EXOC5: variants seen among roughly 807,000 people sequenced by gnomAD.
EXOC5 encodes the protein SEC10-like 1.
A neutral mutation model predicts 90.8 loss-of-function variants in EXOC5; 17 were observed. That is an observed-to-expected ratio of 0.19 (90% CI 0.13 to 0.28). The LOEUF (loss-of-function observed/expected upper bound fraction) is 0.28, where lower values mean the gene tolerates loss of function less well. Among genes scored for constraint, EXOC5 ranks in the 10% least tolerant of loss-of-function variants. The pLI is 1.00. For missense variants in EXOC5, 569 were observed against 830.6 expected, an observed-to-expected ratio of 0.69 and a Z score of 3.87; for synonymous variants, 260 against 270.0, an observed-to-expected ratio of 0.96 and a Z score of 0.36.
At chr14:57,252,154 T>A (rs1884215146) in intron 1 of EXOC5, among the ~76,000 whole-genome samples, 4 of 152,160 alleles carry the variant, frequency 2.6e-5, no homozygotes, top group African/African-American at 7.2e-5. Flanking sequence ...CCAAGCCTTC[T>A]CAAACTTTTC....
intron 3 of EXOC5, among the ~76,000 whole-genome samples, chr14:57,244,937 A>C (rs1304995063): frequency 2.6e-5 from 4 of 151,482 alleles, no homozygotes; most frequent in African/African-American, 9.7e-5. Flanking sequence ...CAGAGGTTGC[A>C]GTGAGCTGAG....
intron 1 of EXOC5, among the ~76,000 whole-genome samples, chr14:57,262,134 T>C (rs1195135300): frequency 1.3e-5 from 2 of 152,168 alleles, no homozygotes; most frequent in African/African-American, 4.8e-5. Context: ...ATCTCTAATC[T>C]AGTTCTCATC....
chr14:57,239,492 T>C (rs753628242), intron 5 of EXOC5, 103 bp downstream of exon 5: 2 of 697,306 alleles, frequency 2.9e-6, no homozygotes, highest in Non-Finnish European at 4.9e-6. Context: ...CTCAATAAAT[T>C]TCCGTTTAAT....
chr14:57,231,498 A>G lies in EXOC5; in HGVS notation c.1148+8T>C. 1.3e-6 allele frequency: 2 copies of G among 1,588,428 alleles called. No homozygotes were observed. The highest frequency in any genetic ancestry group is 8.6e-7 in the Non-Finnish European group (1 of 1,168,746). On this transcript the variant is annotated splice_region_variant and intron_variant, in intron 11 of 17. Coordinates refer to ENST00000621441, the MANE Select transcript of EXOC5 (RefSeq NM_006544.4). ...GTTTTAACAGAAGTATTTAACAAAA[A>G]TACTCACCCTCCTGTGCCAATGGAT...
chr14:57,254,176 T>G (rs1368238733), intron 1 of EXOC5, among the ~76,000 whole-genome samples: 1 of 152,274 alleles, frequency 6.6e-6, no homozygotes, highest in African/African-American at 2.4e-5. Flanking sequence ...GGCTCACACC[T>G]GTAATCCCAG....
At chr14:57,267,275 T>A (rs895722547) in intron 1 of EXOC5, among the ~76,000 whole-genome samples, 1 of 152,182 alleles carries the variant, frequency 6.6e-6, no homozygotes, top group African/African-American at 2.4e-5. Context: ...ATCTCTGAAG[T>A]CTTTCTTGTA....
chr14:57,260,098 G>T (rs538878798), intron 1 of EXOC5, among the ~76,000 whole-genome samples: 1 of 152,188 alleles, frequency 6.6e-6, no homozygotes, highest in East Asian at 1.9e-4. Context: ...AGAACTAAAA[G>T]AATTTTATAA....
intron 1 of EXOC5, among the ~76,000 whole-genome samples, chr14:57,263,184 C>T (rs1239717719): frequency 6.6e-6 from 1 of 152,134 alleles, no homozygotes; most frequent in African/African-American, 2.4e-5. Flanking sequence ...TAAAACTTCC[C>T]CCAGGCTGGA....
chr14:57,256,448 G>A (rs564880136), intron 1 of EXOC5, among the ~76,000 whole-genome samples: 36 of 152,126 alleles, frequency 2.4e-4, no homozygotes, highest in Admixed American at 3.9e-4. Flanking sequence ...TTGCAACTCC[G>A]AGACCAGCTA....
rs1882525216 is a variant in EXOC5 at position 57,202,079 on chromosome 14, CAAT to C, written c.*6527_*6529del. The C allele has an allele frequency of 6.6e-6, 1 of 151,996 alleles. No homozygotes were observed. Among genetic ancestry groups the C allele is most frequent in the South Asian group, 2.1e-4 (1 of 4,824 alleles). 9.4% of individuals were successfully genotyped at this position (151,996 alleles called of 1,614,324 possible). A position where few individuals can be genotyped will look rare whatever the true frequency, so the allele number is the denominator to read the frequency against. The stretch of plus-strand genomic sequence containing the variant: ...TTGTGTACTATGTGATAGGATGCAA[CAAT>C]AACACAGAGTTGCATCCGTGGTATG... On this transcript the variant is annotated 3_prime_UTR_variant, in exon 18 of 18. Transcript: ENST00000621441.
At chr14:57,256,834 C>G (rs1884361121) in intron 1 of EXOC5, among the ~76,000 whole-genome samples, 1 of 152,222 alleles carries the variant, frequency 6.6e-6, no homozygotes, top group Non-Finnish European at 1.5e-5. Flanking sequence ...ACAACTCTGA[C>G]AGGTCATTTT....
At chr14:57,244,408 A>G in intron 3 of EXOC5, 49 bp from the exon 4 acceptor site, 1 of 1,335,686 alleles carries the variant, frequency 7.5e-7, no homozygotes, top group African/African-American at 1.4e-5. Context: ...TGCTCAGTTT[A>G]TAATCTAAAC....
At chr14:57,268,373 C>A in intron 1 of EXOC5, 1 of 1,050,958 alleles carries the variant, frequency 9.5e-7, no homozygotes, top group Non-Finnish European at 1.3e-6. Flanking sequence ...AAGCAACCCT[C>A]CTCCCTTGGG....
rs913912485 is a variant in EXOC5, at chr14:57,201,261, A to T, written c.*7348T>A. 2 of 152,050 alleles carry T rather than the reference A, an allele frequency of 1.3e-5. No individual in the cohort carries two copies. The highest frequency in any genetic ancestry group is 1.5e-5 in the Non-Finnish European group (1 of 67,988). The allele number at this position is 152,050 out of a possible 1,614,324, so 9.4% of individuals were successfully genotyped here. A position where few individuals can be genotyped will look rare whatever the true frequency, so the allele number is the denominator to read the frequency against. On this transcript the variant is annotated 3_prime_UTR_variant, in exon 18 of 18. Coordinates refer to ENST00000621441, the MANE Select transcript of EXOC5 (RefSeq NM_006544.4). ...TGTTGTGCCCAGAATAAATTGCTGT[A>T]AAAATGATGGGAACATGCCAAAACG...
At chr14:57,267,807 C>T (rs1426261172) in intron 1 of EXOC5, among the ~76,000 whole-genome samples, 1 of 152,154 alleles carries the variant, frequency 6.6e-6, no homozygotes, top group Admixed American at 6.5e-5. Context: ...AGTATTCTCA[C>T]TATTACATAT....
intron 3 of EXOC5, among the ~76,000 whole-genome samples, chr14:57,245,960 G>C (rs1045154984): frequency 2.0e-5 from 3 of 152,040 alleles, no homozygotes; most frequent in Non-Finnish European, 4.4e-5. Flanking sequence ...TGAGACAGGA[G>C]AATCACTTGA....
chr14:57,217,862 A>C (rs2139616463), intron 15 of EXOC5, 120 bp downstream of exon 15: 1 of 651,434 alleles, frequency 1.5e-6, no homozygotes, highest in South Asian at 1.8e-5. Flanking sequence ...ATAAAATCAA[A>C]TGTAGCAATA....
rs1170575070 is a variant in EXOC5 at position 57,241,378 on chromosome 14, C to T, written c.466-1719G>A. Among the ~76,000 whole-genome samples, 3 of 152,354 alleles carry T rather than the reference C, an allele frequency of 2.0e-5. No homozygotes were observed. In the East Asian group the frequency reaches 5.8e-4, roughly 29 times the overall value. The stretch of plus-strand genomic sequence containing the variant: ...AATATCACTGCAGTATCTGTCCTCA[C>T]CATGCCATTTAGTTGTATTAGCAAA... On this transcript the variant is annotated intron_variant, in intron 4 of 17. Coordinates refer to ENST00000621441, the MANE Select transcript of EXOC5 (RefSeq NM_006544.4).
chr14:57,228,065 A>T (rs1185652494), intron 12 of EXOC5, among the ~76,000 whole-genome samples: 1 of 152,014 alleles, frequency 6.6e-6, no homozygotes, highest in East Asian at 1.9e-4. Context: ...GGCACTTCTC[A>T]AAAGAAGACA....
Sources: allele counts gnomAD v4.1 joint callset (sites outside exome capture counted in the v4.1 genomes callset), GRCh38; gene constraint gnomAD v4.1.1; transcripts MANE v1.5; gene names NCBI Gene and HGNC (gene_info 2026-07-23, HGNC 2026-07-21).